DNAJB6: variants seen among roughly 807,000 people sequenced by gnomAD.
DNAJB6 encodes the protein DnaJ heat shock protein family (Hsp40) member B6, also known as dnaJ homolog subfamily B member 6.
Under a neutral mutation model 42.7 loss-of-function variants are expected in DNAJB6, and 16 were observed. That is an observed-to-expected ratio of 0.37 (90% CI 0.25 to 0.57). DNAJB6 has a LOEUF of 0.57. Ranked by LOEUF, DNAJB6 falls within the 20% of genes least tolerant of loss-of-function variation. The pLI is 0.74. For synonymous variants in DNAJB6, 170 were observed against 163.5 expected (o/e 1.04, Z -0.30); for missense variants, 347 against 416.8 (o/e 0.83, Z 1.46).
chr7:157,367,990 G>A (rs1270651886), intron 5 of DNAJB6, among the ~76,000 whole-genome samples: 1 of 151,676 alleles, frequency 6.6e-6, no homozygotes, highest in Non-Finnish European at 1.5e-5. Flanking sequence ...TTAGCTGAGT[G>A]TGGTGGCGTG....
At chr7:157,369,635 C>T (rs1384513208) in intron 5 of DNAJB6, among the ~76,000 whole-genome samples, 3 of 148,196 alleles carry the variant, frequency 2.0e-5, no homozygotes, top group African/African-American at 7.9e-5. Context: ...ATTAAAGAGG[C>T]CCTTTCTTCA....
intron 5 of DNAJB6, among the ~76,000 whole-genome samples, chr7:157,372,731 G>C (rs554762196): frequency 6.6e-5 from 10 of 152,062 alleles, no homozygotes; most frequent in Non-Finnish European, 1.5e-4. Flanking sequence ...ACCACAAACC[G>C]GGGGCTTAAA....
chr7:157,397,999 G>A (rs940905408), intron 8 of DNAJB6, among the ~76,000 whole-genome samples: 2 of 152,238 alleles, frequency 1.3e-5, no homozygotes, highest in Non-Finnish European at 2.9e-5. Flanking sequence ...GCAGCAGAGC[G>A]AGACTCTTGT....
At chr7:157,379,795 G>A (rs1332162161) in intron 5 of DNAJB6, 11 of 146,992 alleles carry the variant, frequency 7.5e-5, no homozygotes, top group Admixed American at 6.9e-4. Context: ...TTATGGAAAT[G>A]CAGAAATGCC....
intron 1 of DNAJB6, among the ~76,000 whole-genome samples, chr7:157,351,563 G>A (rs1584885596): frequency 6.6e-6 from 1 of 151,874 alleles, no homozygotes; most frequent in East Asian, 1.9e-4. Context: ...AACCCTAGAG[G>A]TGGAGTTTGC....
intron 8 of DNAJB6, among the ~76,000 whole-genome samples, chr7:157,403,979 G>T (rs1223400203): frequency 6.6e-6 from 1 of 151,152 alleles, no homozygotes; most frequent in Non-Finnish European, 1.5e-5. Flanking sequence ...ACTGTGCAGG[G>T]TTTTTTTTTA....
chr7:157,386,243 G>T, intron 8 of DNAJB6: 1 of 930,512 alleles, frequency 1.1e-6, no homozygotes, highest in Non-Finnish European at 1.3e-6. Flanking sequence ...GGTAAACTGG[G>T]TCTTTGTCAT....
At chr7:157,347,570 C>A (rs949125169) in intron 1 of DNAJB6, among the ~76,000 whole-genome samples, 2 of 152,184 alleles carry the variant, frequency 1.3e-5, no homozygotes, top group African/African-American at 4.8e-5. Context: ...GCCCCCGTTT[C>A]CTCACCTACA....
Position 157,382,194 on chromosome 7 carries a change from G to GA in DNAJB6, c.347-45dup, listed in dbSNP as rs199713573. 9,902 of 1,522,120 alleles carry GA rather than the reference G, an allele frequency of 6.5e-3. 43 individuals are homozygous for GA. Among genetic ancestry groups the GA allele is most frequent in the Middle Eastern group, 0.025 (139 of 5,650 alleles). 94.3% of individuals were successfully genotyped at this position (1,522,120 alleles called of 1,614,324 possible). ...TCTCTTACTGTAGCTATCACATGAG[G>GA]AAAAAAACTTGAAAAAAAGACTTCA... is the stretch of plus-strand genomic sequence containing the variant. On this transcript the variant is annotated intron_variant, in intron 5 of 9. Transcript: ENST00000262177.
chr7:157,417,319 T>A lies in DNAJB6; in HGVS notation c.*1221T>A, dbSNP rs1336750006. 1 of 152,238 alleles carries A rather than the reference T, an allele frequency of 6.6e-6. No individual in the cohort carries two copies. The highest frequency in any genetic ancestry group is 1.9e-4 in the East Asian group (1 of 5,206). 9.4% of individuals were successfully genotyped at this position (152,238 alleles called of 1,614,324 possible). ...ACTGTTGCCAAAGAGTTGGCTTTGTTTATTTGGTTTTGGCGGGGAGAGGAG... is the reference window on the plus strand; with the variant it reads ...ACTGTTGCCAAAGAGTTGGCTTTGTATATTTGGTTTTGGCGGGGAGAGGAG... On this transcript the variant is annotated 3_prime_UTR_variant, in exon 10 of 10. Coordinates refer to ENST00000262177, the MANE Select transcript of DNAJB6 (RefSeq NM_058246.4).
intron 5 of DNAJB6, chr7:157,380,915 G>A (rs1206917326): frequency 6.6e-6 from 1 of 152,236 alleles, no homozygotes; most frequent in Admixed American, 6.5e-5. Flanking sequence ...CAGCGTCTCA[G>A]GGTTTTGGCT....
chr7:157,347,379 C>T (rs963673602), intron 1 of DNAJB6, among the ~76,000 whole-genome samples: 2 of 152,174 alleles, frequency 1.3e-5, no homozygotes, highest in Admixed American at 6.5e-5. Flanking sequence ...TGGATTCTTA[C>T]TATTTTTAAA....
At chr7:157,349,890 G>A (rs958620801) in intron 1 of DNAJB6, among the ~76,000 whole-genome samples, 1 of 151,954 alleles carries the variant, frequency 6.6e-6, no homozygotes, top group African/African-American at 2.4e-5. Flanking sequence ...TGATCTGTCC[G>A]CCTCAGCCTC....
intron 5 of DNAJB6, among the ~76,000 whole-genome samples, chr7:157,376,883 AAAAC>A (rs377746958): frequency 1.1e-4 from 17 of 152,310 alleles, no homozygotes; most frequent in South Asian, 4.1e-4. Context: ...CCGTCTTGGG[AAAAC>A]AAACAAACAA....
chr7:157,362,736 T>A (rs973265809), intron 2 of DNAJB6, among the ~76,000 whole-genome samples: 1 of 152,256 alleles, frequency 6.6e-6, no homozygotes, highest in African/African-American at 2.4e-5. Flanking sequence ...ACTGTGATCT[T>A]TATTTTTCTA....
At chr7:157,376,799 T>C (rs1800497438) in intron 5 of DNAJB6, among the ~76,000 whole-genome samples, 1 of 152,154 alleles carries the variant, frequency 6.6e-6, no homozygotes, top group Non-Finnish European at 1.5e-5. Flanking sequence ...GAGAACTGCT[T>C]GACCTGGGAG....
chr7:157,410,986 T>A (rs1795950757), intron 9 of DNAJB6: 1 of 150,866 alleles, frequency 6.6e-6, no homozygotes, highest in Non-Finnish European at 1.5e-5. Context: ...CCCCCAGCCG[T>A]GAGAGCCTCA....
At chr7:157,384,647 T>A (rs1298424388) in intron 6 of DNAJB6, among the ~76,000 whole-genome samples, 4 of 152,210 alleles carry the variant, frequency 2.6e-5, no homozygotes, top group Non-Finnish European at 5.9e-5. Flanking sequence ...GAGGCTGCAC[T>A]CTCGCGTTGC....
intron 1 of DNAJB6, among the ~76,000 whole-genome samples, 185 bp downstream of exon 1, chr7:157,337,329 T>C (rs1019413095): frequency 1.0e-4 from 15 of 145,466 alleles, no homozygotes; most frequent in African/African-American, 3.8e-4. Flanking sequence ...CGGGGTCCTC[T>C]GGGTCAGGTC....
Sources: allele counts gnomAD v4.1 joint callset (sites outside exome capture counted in the v4.1 genomes callset), GRCh38; gene constraint gnomAD v4.1.1; transcripts MANE v1.5; gene names NCBI Gene and HGNC (gene_info 2026-07-23, HGNC 2026-07-21).